Variants in MLXIP observed in about 807,000 individuals in gnomAD.
MLXIP encodes MLX interacting protein.
MLXIP carries 30 observed loss-of-function variants against 87.2 expected under a neutral mutation model. The ratio of observed to expected loss-of-function variants is 0.34; its 90% CI spans 0.26 to 0.47. The LOEUF (loss-of-function observed/expected upper bound fraction) is 0.47, where lower values mean the gene tolerates loss of function less well. Ranked by LOEUF, MLXIP falls within the 20% of genes least tolerant of loss-of-function variation. MLXIP has a pLI of 1.00. For synonymous variants in MLXIP, 530 were observed against 514.0 expected (o/e 1.03, Z -0.42); for missense variants, 1,002 against 1,240.1 (o/e 0.81, Z 2.88).
At chr12:122,094,150 G>A (rs1952302653) in intron 1 of MLXIP, among the ~76,000 whole-genome samples, 2 of 140,778 alleles carry the variant, frequency 1.4e-5, no homozygotes, top group African/African-American at 5.3e-5. Flanking sequence ...TGTGTGGGAT[G>A]TGTATGTTTG....
At chr12:122,098,272 C>T (rs1019640329) in intron 1 of MLXIP, among the ~76,000 whole-genome samples, 2 of 152,280 alleles carry the variant, frequency 1.3e-5, no homozygotes, top group Non-Finnish European at 2.9e-5. Flanking sequence ...TTCTTCCCCA[C>T]AGAGAGATTT....
At chr12:122,103,559 C>T (rs1952472196) in intron 1 of MLXIP, among the ~76,000 whole-genome samples, 1 of 135,964 alleles carries the variant, frequency 7.4e-6, no homozygotes. Flanking sequence ...CTCGCTGTGT[C>T]ACCCAGGCTG....
chr12:122,124,828 CA>C (rs1319610137), intron 1 of MLXIP, among the ~76,000 whole-genome samples: 5 of 152,076 alleles, frequency 3.3e-5, no homozygotes, highest in Admixed American at 3.3e-4. Context: ...GTCAGGGGTT[CA>C]AAACCAGCCT....
intron 1 of MLXIP, among the ~76,000 whole-genome samples, chr12:122,104,689 C>T (rs1267698115): frequency 6.6e-6 from 1 of 150,846 alleles, no homozygotes; most frequent in Non-Finnish European, 1.5e-5. Flanking sequence ...AAGCAATTCT[C>T]CTGCCTCAGC....
Position 122,105,491 on chromosome 12 carries a change from C to T in MLXIP, c.414-21765C>T, listed in dbSNP as rs544172278. ...GCCTCCTGAGTAGCTGGGATTACAGCCGTGCCCGGCTAATTTTGTATTTTT... is the reference window on the plus strand; with the variant it reads ...GCCTCCTGAGTAGCTGGGATTACAGTCGTGCCCGGCTAATTTTGTATTTTT... On this transcript the variant is annotated intron_variant, in intron 1 of 16. Coordinates refer to ENST00000319080, the MANE Select transcript of MLXIP (RefSeq NM_014938.6). Among the ~76,000 whole-genome samples, 14 of 151,902 alleles carry T rather than the reference C, an allele frequency of 9.2e-5. No individual in the cohort carries two copies. In the South Asian group the frequency reaches 2.7e-3, roughly 29 times the overall value.
intron 15 of MLXIP, among the ~76,000 whole-genome samples, chr12:122,139,563 C>G (rs1258609867): frequency 6.6e-6 from 1 of 152,220 alleles, no homozygotes; most frequent in African/African-American, 2.4e-5. Context: ...GGGCAAGGGT[C>G]TGACAGTCAG....
In MLXIP at chr12:122,141,976, G is replaced by T; in HGVS notation, c.*164G>T. 9.2e-7 allele frequency: 1 copy of T among 1,086,080 alleles called. No homozygotes were observed. Among genetic ancestry groups the T allele is most frequent in the Non-Finnish European group, 1.3e-6 (1 of 766,640 alleles). The allele number at this position is 1,086,080 out of a possible 1,614,324, so 67.3% of individuals were successfully genotyped here. A position where few individuals can be genotyped will look rare whatever the true frequency, so the allele number is the denominator to read the frequency against. On this transcript the variant is annotated 3_prime_UTR_variant, in exon 17 of 17. Transcript: ENST00000319080. The stretch of plus-strand genomic sequence containing the variant: ...GAGGCCATGCTCAGGTCTGAAGCAG[G>T]TTTGGGGCCTGCTGACAGCAATAGC...
chr12:122,112,797 A>G (rs1447272619), intron 1 of MLXIP, among the ~76,000 whole-genome samples: 3 of 152,234 alleles, frequency 2.0e-5, no homozygotes, highest in Non-Finnish European at 2.9e-5. Flanking sequence ...TCTTACCTAA[A>G]GCAGGATCCC....
At position 122,135,846 on chromosome 12, in the gene MLXIP, A is replaced by G; in HGVS notation, c.2032+180A>G. ...AACACGCTCTGTGGGTGGCAGGATG[A>G]AATGTGGTGGCACTGGCAGGGCAAA... On this transcript the variant is annotated intron_variant, in intron 11 of 16. Transcript: ENST00000319080. This position sits in a 1 kb window ranked among gnomAD's most constrained non-coding sequence, Gnocchi z 5.3. 2.5e-6 allele frequency: 2 copies of G among 791,946 alleles called. No homozygotes were observed. The highest frequency in any genetic ancestry group is 3.7e-6 in the Non-Finnish European group (2 of 536,144). The allele number at this position is 791,946 out of a possible 1,614,324, so 49.1% of individuals were successfully genotyped here.
Position 122,138,463 on chromosome 12 carries a change from A to G in MLXIP, c.2296A>G (p.Ile766Val). The G allele has an allele frequency of 6.2e-7, 1 of 1,613,938 alleles. No homozygotes were observed. Among genetic ancestry groups the G allele is most frequent in the Non-Finnish European group, 8.5e-7 (1 of 1,179,880 alleles). ...AITLQKTVEY[I>V]TKLQQERGQM... Reference sequence around the variant, plus strand: ...CACACTGCAGAAGACTGTGGAGTACATCACCAAGCTGCAGCAGGAGAGAGG... The same window carrying G: ...CACACTGCAGAAGACTGTGGAGTACGTCACCAAGCTGCAGCAGGAGAGAGG... The change falls in exon 14 of 17, where the codon ATC becomes GTC. Residue 766 changes from isoleucine (I) to valine (V), a missense_variant. Physicochemically the swap from Ile to Val is conservative, Grantham distance 29. This residue lies in a region of MLXIP where 746 missense variants were observed against 897.0 expected (regional missense o/e 0.83). Coordinates refer to ENST00000319080, the MANE Select transcript of MLXIP (RefSeq NM_014938.6).
Position 122,133,860 on chromosome 12 carries a change from G to T in MLXIP, c.1605G>T (p.Arg535=), listed in dbSNP as rs1220088441. The change falls in exon 9 of 17, where the codon CGG becomes CGT. Residue 535 remains arginine, a synonymous_variant. Coordinates refer to ENST00000319080, the MANE Select transcript of MLXIP (RefSeq NM_014938.6). This position sits in a 1 kb window ranked among gnomAD's most constrained non-coding sequence, Gnocchi z 4.9. Reference sequence around the variant, plus strand: ...CTGTCACCCGGCCTCCCCAGCCACGGTTAACTTTTGTGCACCCCAAACCTG... The same window carrying T: ...CTGTCACCCGGCCTCCCCAGCCACGTTTAACTTTTGTGCACCCCAAACCTG... ...LSPVTRPPQP[R]LTFVHPKPVS... is the part of the protein sequence containing the mutation. 12 of 1,612,720 alleles carry T rather than the reference G, an allele frequency of 7.4e-6. No homozygotes were observed. Among genetic ancestry groups the T allele is most frequent in the Non-Finnish European group, 1.0e-5 (12 of 1,179,474 alleles).
Position 122,146,073 on chromosome 12 carries a change from G to C in MLXIP, c.*4261G>C, listed in dbSNP as rs948859593. ...ACCCACCTGTTTTGGAGCTCAGCTT[G>C]GCCCAGCGTTTCCTTGGGGAAGGGA... On this transcript the variant is annotated 3_prime_UTR_variant, in exon 17 of 17. Transcript: ENST00000319080. 3 of 152,298 alleles carry C rather than the reference G, an allele frequency of 2.0e-5. No individual in the cohort carries two copies. The highest frequency in any genetic ancestry group is 7.2e-5 in the African/African-American group (3 of 41,430). 9.4% of individuals were successfully genotyped at this position (152,298 alleles called of 1,614,324 possible).
chr12:122,138,123 T>G, intron 12 of MLXIP, 71 bp from the exon 13 acceptor site: 29 of 1,344,124 alleles, frequency 2.2e-5, no homozygotes, highest in Non-Finnish European at 2.8e-5. Flanking sequence ...AGGATCAGCG[T>G]AGGGGGTGAG....
chr12:122,090,694 C>T (rs192196789), intron 1 of MLXIP, among the ~76,000 whole-genome samples: 5 of 152,218 alleles, frequency 3.3e-5, no homozygotes, highest in African/African-American at 1.2e-4. Context: ...GAAGGATGAC[C>T]ATCATGGCTT....
At chr12:122,126,214 A>G (rs1039172815) in intron 1 of MLXIP, among the ~76,000 whole-genome samples, 3 of 152,234 alleles carry the variant, frequency 2.0e-5, no homozygotes, top group Non-Finnish European at 2.9e-5. Context: ...CTGGGTTTAC[A>G]AGTGCTCTGG....
rs191677901 is a variant in MLXIP, at chr12:122,128,317, G to A, written c.606+349G>A. 7.4e-4 allele frequency: 135 copies of A among 183,040 alleles called. 1 individual carries two copies. The highest frequency in any genetic ancestry group is 5.0e-3 in the Admixed American group (84 of 16,890). 11.3% of individuals were successfully genotyped at this position (183,040 alleles called of 1,614,324 possible). On this transcript the variant is annotated intron_variant, in intron 3 of 16. Transcript: ENST00000319080. ...AGACTTCAGGAACCTCTGGGGAGTA[G>A]GATTAGGGCTGCCAGATGAGGGGGA...
In MLXIP at chr12:122,079,157, G is replaced by T; in HGVS notation, c.304G>T (p.Val102Phe). ...PPKKGYDFDT[V>F]NKQTCQTYSF... ...CAAGAAGGGCTACGATTTCGACACGGTCAACAAACAGACGTGCCAGACCTA... is the reference window on the plus strand; with the variant it reads ...CAAGAAGGGCTACGATTTCGACACGTTCAACAAACAGACGTGCCAGACCTA... Residue 102 changes from valine (V) to phenylalanine (F), a missense_variant, in exon 1 of 17, where the codon GTC (valine) becomes TTC (phenylalanine). Physicochemically the swap from Val to Phe is conservative, Grantham distance 50. Transcript: ENST00000319080. 1.3e-6 allele frequency: 2 copies of T among 1,551,102 alleles called. No homozygotes were observed. Among genetic ancestry groups the T allele is most frequent in the Non-Finnish European group, 1.7e-6 (2 of 1,146,814 alleles).
chr12:122,129,260 G>A, intron 4 of MLXIP, 34 bp downstream of exon 4: 1 of 1,551,812 alleles, frequency 6.4e-7, no homozygotes, highest in South Asian at 1.2e-5. Flanking sequence ...AGCCCGCCTA[G>A]GGAGGGAGTG....
intron 1 of MLXIP, among the ~76,000 whole-genome samples, chr12:122,108,661 C>T (rs997973746): frequency 2.0e-5 from 3 of 152,286 alleles, no homozygotes; most frequent in South Asian, 2.1e-4. Context: ...ATGTGGGTCA[C>T]GCCCTTTCAT....
Sources: gnomAD v4.1 joint callset for allele counts (sites outside exome capture counted in the v4.1 genomes callset) on GRCh38, gnomAD v4.1.1 for gene constraint, gnomAD v4.1.1 regional missense constraint, Gnocchi (gnomAD v3.1) non-coding constraint, MANE v1.5 for transcripts, NCBI Gene and HGNC (gene_info 2026-07-23, HGNC 2026-07-21) for gene names.